Variants in CTNNA2 observed in about 807,000 individuals in gnomAD.
The protein encoded by CTNNA2 is catenin alpha-2.
Under a neutral mutation model 101.0 loss-of-function variants are expected in CTNNA2, and 42 were observed. The ratio of observed to expected loss-of-function variants is 0.42; its 90% CI spans 0.32 to 0.54. The LOEUF is 0.54. Among genes scored for constraint, CTNNA2 ranks in the 20% least tolerant of loss-of-function variants. The pLI, the probability that CTNNA2 is intolerant of heterozygous loss-of-function variation, is 0.14. For synonymous variants in CTNNA2, 450 were observed against 456.4 expected (o/e 0.99, Z 0.18); for missense variants, 871 against 1,223.1 (o/e 0.71, Z 4.29).
chr2:79,795,837 T>C (rs1413391229), intron 3 of CTNNA2, among the ~76,000 whole-genome samples: 1 of 152,204 alleles, frequency 6.6e-6, no homozygotes, highest in African/African-American at 2.4e-5. Flanking sequence ...CATTCATTAG[T>C]CTTTTCAGTG....
chr2:80,632,108 C>T (rs1672361951), intron 18 of CTNNA2, among the ~76,000 whole-genome samples: 1 of 152,122 alleles, frequency 6.6e-6, no homozygotes. Context: ...GAGAATCCTT[C>T]ACAGAACAGA....
At chr2:79,916,932 TTTTG>T (rs371024596) in intron 7 of CTNNA2, among the ~76,000 whole-genome samples, 495 of 151,256 alleles carry the variant, frequency 3.3e-3, no homozygotes, top group Middle Eastern at 0.021. Context: ...TTTTTTTGTT[TTTTG>T]TTTGTTTGTT....
At chr2:79,935,845 A>T (rs1687753828) in intron 7 of CTNNA2, among the ~76,000 whole-genome samples, 1 of 152,128 alleles carries the variant, frequency 6.6e-6, no homozygotes, top group Non-Finnish European at 1.5e-5. Context: ...TTTGAGTGGC[A>T]TTTTTTTCCC....
intron 2 of CTNNA2, among the ~76,000 whole-genome samples, chr2:79,204,305 C>A (rs1467016119): frequency 6.6e-6 from 1 of 152,186 alleles, no homozygotes; most frequent in African/African-American, 2.4e-5. Flanking sequence ...CTTCATCGGA[C>A]ACCTATTTCT....
intron 8 of CTNNA2, among the ~76,000 whole-genome samples, chr2:80,397,374 T>C (rs1207910551): frequency 6.6e-6 from 1 of 152,168 alleles, no homozygotes; most frequent in Non-Finnish European, 1.5e-5. Context: ...GATGAGGATG[T>C]GAAGCCAAGT....
chr2:79,941,109 T>C (rs1387128906), intron 7 of CTNNA2, among the ~76,000 whole-genome samples: 1 of 152,216 alleles, frequency 6.6e-6, no homozygotes, highest in African/African-American at 2.4e-5. Flanking sequence ...ATGTGGATTC[T>C]GCAGATCCCA....
chr2:79,997,551 T>G (rs1156868315), intron 7 of CTNNA2, among the ~76,000 whole-genome samples: 1 of 152,128 alleles, frequency 6.6e-6, no homozygotes, highest in African/African-American at 2.4e-5. Context: ...AGTGGTTCAC[T>G]CCTCTTTAAT....
intron 4 of CTNNA2, among the ~76,000 whole-genome samples, chr2:79,394,113 G>A (rs1338142851): frequency 6.6e-6 from 1 of 152,062 alleles, no homozygotes; most frequent in Non-Finnish European, 1.5e-5. Flanking sequence ...GAGTTCACGG[G>A]GAGAAAGAGG....
chr2:79,726,807 G>T (rs1334349322), intron 2 of CTNNA2, among the ~76,000 whole-genome samples: 1 of 152,192 alleles, frequency 6.6e-6, no homozygotes, highest in Non-Finnish European at 1.5e-5. Flanking sequence ...TAGTTAGGTT[G>T]ATTGATTTAC....
intron 3 of CTNNA2, among the ~76,000 whole-genome samples, chr2:79,372,691 C>T (rs1677899740): frequency 6.6e-6 from 1 of 152,098 alleles, no homozygotes; most frequent in Non-Finnish European, 1.5e-5. Context: ...TCAATACCTC[C>T]CCAGAATACA....
chr2:80,290,121 GGATT>G (rs1675109789), intron 7 of CTNNA2, among the ~76,000 whole-genome samples: 1 of 152,176 alleles, frequency 6.6e-6, no homozygotes, highest in Non-Finnish European at 1.5e-5. Context: ...GGCTGAGCAA[GGATT>G]GTTTTCTGAA....
At chr2:80,389,751 T>C (rs946538897) in intron 7 of CTNNA2, among the ~76,000 whole-genome samples, 1 of 152,304 alleles carries the variant, frequency 6.6e-6, no homozygotes, top group South Asian at 2.1e-4. Flanking sequence ...TCCCATCCAG[T>C]GGCCCAAATT....
intron 4 of CTNNA2, among the ~76,000 whole-genome samples, chr2:79,471,281 T>C (rs143360280): frequency 3.9e-4 from 60 of 152,308 alleles, no homozygotes; most frequent in African/African-American, 1.3e-3. Context: ...GAGATGCTAT[T>C]AAAAATACTA....
chr2:79,251,216 T>G lies in CTNNA2; in HGVS notation c.-406+53140T>G, dbSNP rs566807290. Among the ~76,000 whole-genome samples, 83 of 152,312 alleles carry G rather than the reference T, an allele frequency of 5.4e-4. 1 individual carries two copies. The highest frequency in any genetic ancestry group is 1.9e-3 in the African/African-American group (80 of 41,574). ...AGATTTTACCTCATTGCATTGTACC[T>G]GCGCTTCCGAAGCAGGCTGCAGCCA... On this transcript the variant is annotated intron_variant, in intron 2 of 21. Transcript: ENST00000466387.
At chr2:79,557,287 G>A (rs1674506051) in intron 1 of CTNNA2, among the ~76,000 whole-genome samples, 1 of 151,872 alleles carries the variant, frequency 6.6e-6, no homozygotes, top group Non-Finnish European at 1.5e-5. Flanking sequence ...TCTGATGTAT[G>A]CATTTATTTT....
chr2:79,995,897 G>A lies in CTNNA2; in HGVS notation c.1056+86100G>A, dbSNP rs891598031. 1.5e-4 allele frequency among the ~76,000 whole-genome samples: 23 copies of A among 152,306 alleles called. 1 individual carries two copies. In the South Asian group the frequency reaches 3.7e-3, roughly 25 times the overall value. ...ATGTTTGATTTTAATTCAAAAAAAA[G>A]TGATACAACTATTGGGTGGAGACTC... On this transcript the variant is annotated intron_variant, in intron 7 of 18. Transcript: ENST00000402739.
chr2:80,620,106 T>C (rs1324666432), intron 18 of CTNNA2, among the ~76,000 whole-genome samples: 1 of 151,848 alleles, frequency 6.6e-6, no homozygotes, highest in Non-Finnish European at 1.5e-5. Flanking sequence ...TGGTTGACTT[T>C]TTAAGGGATA....
intron 2 of CTNNA2, among the ~76,000 whole-genome samples, chr2:79,259,635 G>A (rs985530808): frequency 6.6e-6 from 1 of 152,150 alleles, no homozygotes. Context: ...GGGCCCAGGG[G>A]TGAGGTGGAG....
intron 7 of CTNNA2, among the ~76,000 whole-genome samples, chr2:80,342,164 A>G (rs1672304487): frequency 6.6e-6 from 1 of 152,202 alleles, no homozygotes; most frequent in African/African-American, 2.4e-5. Context: ...ATTTTGGGGA[A>G]GATAAAAGTG....
Sources: allele counts gnomAD v4.1 joint callset (sites outside exome capture counted in the v4.1 genomes callset), GRCh38; gene constraint gnomAD v4.1.1; transcripts MANE v1.5; gene names NCBI Gene and HGNC (gene_info 2026-07-23, HGNC 2026-07-21).